ANKS1A: variants seen among roughly 807,000 people sequenced by gnomAD.
The protein encoded by ANKS1A is ankyrin repeat and SAM domain-containing protein 1A.
ANKS1A carries 55 observed loss-of-function variants against 120.3 expected under a neutral mutation model. That is an observed-to-expected ratio of 0.46 (90% CI 0.37 to 0.57). The LOEUF (loss-of-function observed/expected upper bound fraction) is 0.57, where lower values mean the gene tolerates loss of function less well. ANKS1A is among the 20% of genes least tolerant of loss of function. The probability of loss-of-function intolerance (pLI) is 0.00; values close to 1 mark genes in which losing one functional copy is unlikely to be tolerated. For synonymous variants in ANKS1A, 590 were observed against 604.7 expected (o/e 0.98, Z 0.36); for missense variants, 1,123 against 1,480.3 (o/e 0.76, Z 3.96).
chr6:34,890,271 T>C (rs535069532), intron 1 of ANKS1A, among the ~76,000 whole-genome samples: 5 of 152,264 alleles, frequency 3.3e-5, no homozygotes, highest in Admixed American at 3.3e-4. Context: ...TTTGTATTTT[T>C]AGTAGAGACG....
At chr6:35,011,023 A>G (rs541270914) in intron 10 of ANKS1A, among the ~76,000 whole-genome samples, 4 of 152,222 alleles carry the variant, frequency 2.6e-5, no homozygotes, top group Non-Finnish European at 5.9e-5. Flanking sequence ...GATGGTGACT[A>G]TTATTTAGGG....
intron 11 of ANKS1A, among the ~76,000 whole-genome samples, chr6:35,051,197 GA>G (rs373285249): frequency 6.8e-5 from 10 of 147,342 alleles, no homozygotes; most frequent in East Asian, 5.9e-4. Flanking sequence ...ATGTCTCAAA[GA>G]AAAAAAAAAG....
intron 13 of ANKS1A, among the ~76,000 whole-genome samples, chr6:35,061,014 A>G (rs820084): frequency 0.43 from 65,544 of 152,032 alleles, 14,794 homozygotes; most frequent in East Asian, 0.62. Flanking sequence ...CATTTGAGCC[A>G]AAGTTAGTGA....
chr6:35,091,055 C>CT lies in ANKS1A; in HGVS notation c.*2449dup. The CT allele has an allele frequency of 1.0e-6, 1 of 985,890 alleles. No individual in the cohort carries two copies. Among genetic ancestry groups the CT allele is most frequent in the Non-Finnish European group, 1.2e-6 (1 of 829,940 alleles). The allele number at this position is 985,890 out of a possible 1,614,324, so 61.1% of individuals were successfully genotyped here. A position where few individuals can be genotyped will look rare whatever the true frequency, so the allele number is the denominator to read the frequency against. ...GAAAACCAGTCTGAATTGGGTCTGT[C>CT]TTTGAGATGCCCAGGCCAGCAGAAA... On this transcript the variant is annotated 3_prime_UTR_variant, in exon 24 of 24. Coordinates refer to ENST00000360359, the MANE Select transcript of ANKS1A (RefSeq NM_015245.3).
At chr6:34,932,991 T>C (rs770927086) in intron 1 of ANKS1A, among the ~76,000 whole-genome samples, 1 of 152,252 alleles carries the variant, frequency 6.6e-6, no homozygotes, top group Non-Finnish European at 1.5e-5. Context: ...ATATACTCAC[T>C]GACATTTGTT....
Position 34,994,404 on chromosome 6 carries a change from G to A in ANKS1A, c.1405G>A (p.Val469Met), listed in dbSNP as rs1772739540. The A allele has an allele frequency of 4.3e-6, 7 of 1,612,828 alleles. No individual in the cohort carries two copies. Among genetic ancestry groups the A allele is most frequent in the African/African-American group, 1.3e-5 (1 of 75,022 alleles). Residue 469 changes from valine (V) to methionine (M), a missense_variant, in exon 10 of 24, where the codon GTG becomes ATG. Val to Met is a conservative substitution (Grantham distance 21). Transcript: ENST00000360359. ...AGCAGAGACAAAGAAAGTGGTGTTG[G>A]TGGATGGAAAAACAAAAGGTACGTT... ...LTAETKKVVLVDGKTKDHRRS... is the reference protein window; with the variant it reads ...LTAETKKVVLMDGKTKDHRRS...
intron 10 of ANKS1A, among the ~76,000 whole-genome samples, chr6:34,999,298 CT>C (rs1773028083): frequency 6.6e-6 from 1 of 152,202 alleles, no homozygotes; most frequent in African/African-American, 2.4e-5. Context: ...TGTACCGGCA[CT>C]TTGGTTTTTG....
Position 35,018,054 on chromosome 6 carries a change from G to A in ANKS1A, c.2005G>A (p.Asp669Asn). 1 of 1,613,230 alleles carries A rather than the reference G, an allele frequency of 6.2e-7. No individual in the cohort carries two copies. Among genetic ancestry groups the A allele is most frequent in the African/African-American group, 1.3e-5 (1 of 75,056 alleles). ...GTCACCCTCCTTCGCCTCGGAGTGGGATGAGGTAAGGCCGACATGACGTCA... is the reference window on the plus strand; with the variant it reads ...GTCACCCTCCTTCGCCTCGGAGTGGAATGAGGTAAGGCCGACATGACGTCA... The part of the protein sequence containing the change: ...EKSPSFASEW[D>N]EIEKIMSSIG... Residue 669 changes from aspartate to asparagine, a missense_variant, in exon 11 of 24, where the codon GAT becomes AAT. By Grantham distance (23) the Asp-to-Asn change is conservative. This residue lies in a region of ANKS1A where 904 missense variants were observed against 1,130.4 expected (regional missense o/e 0.80). Transcript: ENST00000360359.
At chr6:35,083,089 T>C in intron 18 of ANKS1A, 66 bp from the exon 19 acceptor site, 1 of 1,586,078 alleles carries the variant, frequency 6.3e-7, no homozygotes, top group Non-Finnish European at 8.6e-7. Context: ...CAGTCCCAAA[T>C]TGGTTGGGTC....
intron 11 of ANKS1A, among the ~76,000 whole-genome samples, chr6:35,022,353 G>C (rs1243795170): frequency 6.6e-6 from 1 of 152,224 alleles, no homozygotes; most frequent in Non-Finnish European, 1.5e-5. Flanking sequence ...ATGGCTAATA[G>C]ATTTGGGAGT....
chr6:34,941,826 A>G (rs975624391), intron 1 of ANKS1A, among the ~76,000 whole-genome samples: 13 of 152,182 alleles, frequency 8.5e-5, no homozygotes, highest in African/African-American at 2.9e-4. Context: ...TGGGCTAGGA[A>G]ACCTGAGAGG....
Position 35,090,310 on chromosome 6 carries a change from C to T in ANKS1A, c.*1701C>T, listed in dbSNP as rs1219491714. 7.8e-7 allele frequency: 1 copy of T among 1,289,094 alleles called. No homozygotes were observed. Among genetic ancestry groups the T allele is most frequent in the Admixed American group, 2.3e-5 (1 of 43,506 alleles). The allele number at this position is 1,289,094 out of a possible 1,614,324, so 79.9% of individuals were successfully genotyped here. A position where few individuals can be genotyped will look rare whatever the true frequency, so the allele number is the denominator to read the frequency against. On this transcript the variant is annotated 3_prime_UTR_variant, in exon 24 of 24. Transcript: ENST00000360359. ...CAAGAGTTGACCAGGAACCCTAAAG[C>T]ATCCAGAGTAGACTGCGCTGCCACT...
intron 8 of ANKS1A, among the ~76,000 whole-genome samples, chr6:34,986,415 G>A (rs888971182): frequency 2.0e-5 from 3 of 152,138 alleles, no homozygotes; most frequent in African/African-American, 7.2e-5. Flanking sequence ...ACAATTTGAG[G>A]TTTTGAGCAG....
In ANKS1A at chr6:34,981,788, C is replaced by T; in HGVS notation, c.534C>T (p.Arg178=). 1.4e-5 allele frequency: 23 copies of T among 1,614,160 alleles called. No homozygotes were observed. The highest frequency in any genetic ancestry group is 1.9e-5 in the Non-Finnish European group (22 of 1,180,028). ...AGGAGCTGACGGACCCCACCATGCG[C>T]AACAACAAATTCGAGACCCCTTTGG... ...LLEELTDPTM[R]NNKFETPLDL... The change falls in exon 4 of 24, where the codon CGC becomes CGT. Residue 178 remains arginine, a synonymous_variant. Coordinates refer to ENST00000360359, the MANE Select transcript of ANKS1A (RefSeq NM_015245.3).
intron 9 of ANKS1A, among the ~76,000 whole-genome samples, chr6:34,992,623 A>T (rs923429037): frequency 6.6e-6 from 1 of 152,246 alleles, no homozygotes; most frequent in African/African-American, 2.4e-5. Context: ...AAGTTGACAC[A>T]GTGTGAACTG....
intron 11 of ANKS1A, among the ~76,000 whole-genome samples, chr6:35,019,064 G>A (rs1202265961): frequency 2.0e-5 from 3 of 152,158 alleles, no homozygotes; most frequent in African/African-American, 7.2e-5. Context: ...GGGAGTCAGA[G>A]GCCCAGTTTT....
chr6:34,946,869 CAGTT>C (rs1650267038), intron 1 of ANKS1A, among the ~76,000 whole-genome samples: 1 of 152,110 alleles, frequency 6.6e-6, no homozygotes, highest in Non-Finnish European at 1.5e-5. Flanking sequence ...TATGAACCAA[CAGTT>C]AGTTAAATCT....
At chr6:35,065,760 G>A (rs1289271736) in intron 13 of ANKS1A, among the ~76,000 whole-genome samples, 1 of 152,226 alleles carries the variant, frequency 6.6e-6, no homozygotes, top group Non-Finnish European at 1.5e-5. Context: ...CAGGTCAGAC[G>A]TCCACCCACT....
At chr6:35,008,961 T>C (rs919143583) in intron 10 of ANKS1A, among the ~76,000 whole-genome samples, 1 of 151,778 alleles carries the variant, frequency 6.6e-6, no homozygotes, top group Non-Finnish European at 1.5e-5. Flanking sequence ...TGGGAGGAGA[T>C]AGAGAGAACA....
Sources: allele counts gnomAD v4.1 joint callset (sites outside exome capture counted in the v4.1 genomes callset), GRCh38; gene constraint gnomAD v4.1.1; regional missense constraint gnomAD v4.1.1; transcripts MANE v1.5; gene names NCBI Gene and HGNC (gene_info 2026-07-23, HGNC 2026-07-21).